PALD1: variants seen among roughly 807,000 people sequenced by gnomAD.
PALD1 encodes paladin.
In PALD1, 57 loss-of-function variants were observed where a neutral mutation model predicts 96.0. That is an observed-to-expected ratio of 0.59 (90% CI 0.48 to 0.74). The LOEUF is 0.74. Among genes scored for constraint, PALD1 ranks in the 30% least tolerant of loss-of-function variants. The probability of loss-of-function intolerance (pLI) is 0.00; values close to 1 mark genes in which losing one functional copy is unlikely to be tolerated. For missense variants in PALD1, 1,063 were observed against 1,143.7 expected, an observed-to-expected ratio of 0.93 and a Z score of 1.02; for synonymous variants, 464 against 473.6, an observed-to-expected ratio of 0.98 and a Z score of 0.26.
At chr10:70,535,549 C>CTCCTTCCTCCTCCTTCTCT (rs1847095300) in intron 10 of PALD1, among the ~76,000 whole-genome samples, 2 of 139,806 alleles carry the variant, frequency 1.4e-5, no homozygotes, top group African/African-American at 2.9e-5. Context: ...TTTCCTCCTC[C>CTCCTTCCTCCTCCTTCTCT]TCCTTCCTCC....
chr10:70,471,437 T>C, the PALD1 span, among the ~76,000 whole-genome samples: 1 of 152,240 alleles, frequency 6.6e-6, no homozygotes, highest in Non-Finnish European at 1.5e-5. Flanking sequence ...AGCACCCCAC[T>C]GTCATGGTCA....
chr10:70,561,694 A>G (rs1847740653), intron 18 of PALD1, among the ~76,000 whole-genome samples: 2 of 152,002 alleles, frequency 1.3e-5, no homozygotes, highest in Admixed American at 1.3e-4. Flanking sequence ...CTTGGCCTCC[A>G]TACCCACTCC....
chr10:70,473,072 T>C, the PALD1 span, among the ~76,000 whole-genome samples: 13 of 152,260 alleles, frequency 8.5e-5, no homozygotes, highest in East Asian at 2.5e-3. Flanking sequence ...AACTCAGGTC[T>C]TGTCTGATGC....
Position 70,539,669 on chromosome 10 carries a change from C to T in PALD1, c.1815C>T (p.Thr605=), listed in dbSNP as rs377342825. The change falls in exon 15 of 20, where the codon ACC becomes ACT. Residue 605 remains threonine, a synonymous_variant. Coordinates refer to ENST00000263563, the MANE Select transcript of PALD1 (RefSeq NM_014431.3). The surrounding 1 kb of genome is among the most constrained non-coding windows in gnomAD (Gnocchi z 4.5). ...PLTYRFQTCL[T]MQEVFSQHRR... The stretch of plus-strand genomic sequence containing the variant: ...CCTACAGGTTCCAGACCTGCCTTAC[C>T]ATGCAGGAGGTCTTCAGCCAGCACC... The T allele has an allele frequency of 1.5e-4, 236 of 1,613,316 alleles. No individual in the cohort carries two copies. The highest frequency in any genetic ancestry group is 1.9e-4 in the Non-Finnish European group (228 of 1,179,506).
intron 1 of PALD1, among the ~76,000 whole-genome samples, chr10:70,524,118 G>A (rs1408798721): frequency 3.3e-5 from 5 of 152,226 alleles, no homozygotes; most frequent in African/African-American, 4.8e-5. Context: ...CCCTACTGAT[G>A]TGGAGCAGCT....
rs376431690 is a variant in PALD1, at chr10:70,532,753, C to T, written c.766C>T (p.Arg256Trp). The change falls in exon 6 of 20, where the codon CGG becomes TGG. Residue 256 changes from arginine to tryptophan, a missense_variant. Arg to Trp is a moderately radical substitution (Grantham distance 101, BLOSUM62 -3). Coordinates refer to ENST00000263563, the MANE Select transcript of PALD1 (RefSeq NM_014431.3). ...DLHVTEEVYK[R>W]PLFLQPTYRY... is the part of the protein sequence containing the mutation. ...GCATGTGACGGAGGAGGTGTACAAGCGGCCCCTCTTCCTGCAGCCCACCTA... is the reference window on the plus strand; with the variant it reads ...GCATGTGACGGAGGAGGTGTACAAGTGGCCCCTCTTCCTGCAGCCCACCTA... 3.0e-4 allele frequency: 484 copies of T among 1,614,046 alleles called. No homozygotes were observed. The highest frequency in any genetic ancestry group is 3.8e-4 in the Non-Finnish European group (451 of 1,180,026).
In PALD1 at chr10:70,534,719, G is replaced by C; in HGVS notation, c.1123-20G>C. ...CCACCCCCCCACCTCCCTCTTACTT[G>C]CCTTGGTCTCTGGCACCAGGTGGAC... On this transcript the variant is annotated intron_variant, in intron 9 of 19. Transcript: ENST00000263563. 9.2e-7 allele frequency: 1 copy of C among 1,088,594 alleles called. No individual in the cohort carries two copies. Among genetic ancestry groups the C allele is most frequent in the Non-Finnish European group, 1.4e-6 (1 of 722,056 alleles). The allele number at this position is 1,088,594 out of a possible 1,614,324, so 67.4% of individuals were successfully genotyped here.
chr10:70,548,615 G>T (rs2132417194), intron 18 of PALD1, among the ~76,000 whole-genome samples: 1 of 152,320 alleles, frequency 6.6e-6, no homozygotes, highest in East Asian at 1.9e-4. Context: ...ATTCCATGGT[G>T]CTGAGAGAGG....
chr10:70,560,302 G>C (rs1053909033), intron 18 of PALD1, among the ~76,000 whole-genome samples: 1 of 152,130 alleles, frequency 6.6e-6, no homozygotes, highest in Non-Finnish European at 1.5e-5. Context: ...GGAGTGGTGG[G>C]CTTGACTGTG....
At chr10:70,524,646 G>T (rs77673666) in intron 1 of PALD1, among the ~76,000 whole-genome samples, 4,243 of 152,260 alleles carry the variant, frequency 0.028, 100 homozygotes, top group Non-Finnish European at 0.046. Flanking sequence ...ATGCCCTTTC[G>T]TGAGTTAAGG....
rs1296396908 is a variant in PALD1 at position 70,487,027 on chromosome 10, G to T, written c.-30+7968G>T. On this transcript the variant is annotated intron_variant, in intron 1 of 19. Transcript: ENST00000263563. ...AGAGTTGCCCTTTGGGGAGCCCTCTGGGGAGGTGTGGAGTAGTCTCTGCTC... is the reference window on the plus strand; with the variant it reads ...AGAGTTGCCCTTTGGGGAGCCCTCTTGGGAGGTGTGGAGTAGTCTCTGCTC... Among the ~76,000 whole-genome samples, 8 of 152,242 alleles carry T rather than the reference G, an allele frequency of 5.3e-5. No individual in the cohort carries two copies. In the South Asian group the frequency reaches 1.7e-3, roughly 32 times the overall value.
chr10:70,538,762 T>C, intron 12 of PALD1, 130 bp from the exon 13 acceptor site: 1 of 770,010 alleles, frequency 1.3e-6, no homozygotes, highest in South Asian at 1.6e-5. Context: ...GCTCCAAGTG[T>C]GCAGGAGTGC....
chr10:70,529,234 A>G lies in PALD1; in HGVS notation c.191A>G (p.Asn64Ser). Residue 64 changes from asparagine to serine, a missense_variant, in exon 3 of 20, where the codon AAC (asparagine) becomes AGC (serine). Physicochemically the swap from Asn to Ser is conservative, Grantham distance 46. Coordinates refer to ENST00000263563, the MANE Select transcript of PALD1 (RefSeq NM_014431.3). ...CCCCCCCCCCCCCCCCCCAGGTACAACTGCAAGGAGGAGTTCCAGATCCAT... is the reference window on the plus strand; with the variant it reads ...CCCCCCCCCCCCCCCCCCAGGTACAGCTGCAAGGAGGAGTTCCAGATCCAT... The part of the protein sequence containing the change: ...NKVAPVVITY[N>S]CKEEFQIHDE... 4.1e-6 allele frequency: 2 copies of G among 485,814 alleles called. No individual in the cohort carries two copies. The highest frequency in any genetic ancestry group is 6.9e-6 in the Non-Finnish European group (2 of 288,198). 30.1% of individuals were successfully genotyped at this position (485,814 alleles called of 1,614,324 possible). A position where few individuals can be genotyped will look rare whatever the true frequency, so the allele number is the denominator to read the frequency against.
intron 1 of PALD1, among the ~76,000 whole-genome samples, chr10:70,479,690 G>A (rs1332926521): frequency 6.6e-6 from 1 of 152,212 alleles, no homozygotes; most frequent in East Asian, 1.9e-4. Context: ...CTCTTGGGTT[G>A]TCAGAGATGG....
At chr10:70,526,543 G>C (rs796802465) in intron 2 of PALD1, among the ~76,000 whole-genome samples, 4 of 152,366 alleles carry the variant, frequency 2.6e-5, no homozygotes, top group South Asian at 4.1e-4. Context: ...CTGTTGAAGG[G>C]CCTTGGGCTG....
intron 18 of PALD1, among the ~76,000 whole-genome samples, chr10:70,553,138 G>A (rs1475849891): frequency 1.3e-5 from 2 of 152,120 alleles, no homozygotes; most frequent in African/African-American, 4.8e-5. Flanking sequence ...AGTGTGCATC[G>A]CCAGCTTGCA....
At position 70,529,221 on chromosome 10, in the gene PALD1, C is replaced by T. The variant is rs760526521; in HGVS notation, c.186-8C>T. On this transcript the variant is annotated splice_region_variant and splice_polypyrimidine_tract_variant and intron_variant, in intron 2 of 19. Coordinates refer to ENST00000263563, the MANE Select transcript of PALD1 (RefSeq NM_014431.3). ...AGTTTCCATTCTGCCCCCCCCCCCC[C>T]CCCCCAGGTACAACTGCAAGGAGGA... The T allele has an allele frequency of 1.4e-5, 6 of 434,188 alleles. 1 individual carries two copies. The highest frequency in any genetic ancestry group is 7.4e-5 in the East Asian group (1 of 13,534). 26.9% of individuals were successfully genotyped at this position (434,188 alleles called of 1,614,324 possible).
At chr10:70,515,678 G>A (rs1482059884) in intron 1 of PALD1, among the ~76,000 whole-genome samples, 1 of 152,176 alleles carries the variant, frequency 6.6e-6, no homozygotes, top group Non-Finnish European at 1.5e-5. Flanking sequence ...GTGTTGCTCT[G>A]CACACATTCA....
At chr10:70,526,184 C>G (rs373713684) in intron 2 of PALD1, 48 bp downstream of exon 2, 2 of 1,520,830 alleles carry the variant, frequency 1.3e-6, no homozygotes. Context: ...ACATGATGGG[C>G]GGGGGGACCT....
Sources: gnomAD v4.1 joint callset for allele counts (sites outside exome capture counted in the v4.1 genomes callset) on GRCh38, gnomAD v4.1.1 for gene constraint, Gnocchi (gnomAD v3.1) non-coding constraint, MANE v1.5 for transcripts, NCBI Gene and HGNC (gene_info 2026-07-23, HGNC 2026-07-21) for gene names.